The following MTX2 variants were observed in gnomAD, a reference collection of about 807,000 sequenced individuals.
The protein encoded by MTX2 is metaxin-2.
MTX2 carries 35 observed loss-of-function variants against 42.3 expected under a neutral mutation model. That is an observed-to-expected ratio of 0.83 (90% CI 0.63 to 1.10). The LOEUF (loss-of-function observed/expected upper bound fraction) is 1.10. Ranked by LOEUF, MTX2 falls within the 50% of genes least tolerant of loss-of-function variation. The pLI is 0.00. For synonymous variants in MTX2, 119 were observed against 100.9 expected, an observed-to-expected ratio of 1.18 and a Z score of -1.08; for missense variants, 307 against 304.1, an observed-to-expected ratio of 1.01 and a Z score of -0.07.
chr2:176,285,518 C>T (rs1005523407), intron 1 of MTX2, among the ~76,000 whole-genome samples: 2 of 150,320 alleles, frequency 1.3e-5, no homozygotes, highest in African/African-American at 2.4e-5. Flanking sequence ...TGCCCATTTA[C>T]AGCCACTCCT....
At chr2:176,269,692 C>A in intron 1 of MTX2, 23 bp downstream of exon 1, 1 of 1,586,604 alleles carries the variant, frequency 6.3e-7, no homozygotes, top group East Asian at 2.3e-5. Context: ...GCCGCAGACC[C>A]AGAAGGTGGC....
intron 1 of MTX2, among the ~76,000 whole-genome samples, chr2:176,283,702 A>G (rs1054592099): frequency 3.3e-5 from 5 of 152,160 alleles, no homozygotes; most frequent in African/African-American, 9.7e-5. Context: ...CAGTGATTGT[A>G]TTTGGTTTAG....
intron 4 of MTX2, among the ~76,000 whole-genome samples, chr2:176,325,602 A>T (rs1470719458): frequency 1.3e-5 from 2 of 151,744 alleles, no homozygotes; most frequent in African/African-American, 4.8e-5. Flanking sequence ...GCTTTGCTCT[A>T]AAAATATTAT....
chr2:176,270,973 G>A (rs1397420706), intron 1 of MTX2, among the ~76,000 whole-genome samples: 1 of 151,774 alleles, frequency 6.6e-6, no homozygotes, highest in African/African-American at 2.4e-5. Flanking sequence ...TTGCTACTAT[G>A]TTGAAAAAAA....
intron 3 of MTX2, among the ~76,000 whole-genome samples, chr2:176,308,686 T>A (rs1684217151): frequency 6.6e-6 from 1 of 152,178 alleles, no homozygotes; most frequent in Non-Finnish European, 1.5e-5. Context: ...CATAGAGGTG[T>A]TTATAGTATT....
At chr2:176,323,348 C>A in intron 3 of MTX2, 44 bp from the exon 4 acceptor site, 1 of 1,475,960 alleles carries the variant, frequency 6.8e-7, no homozygotes, top group Non-Finnish European at 9.4e-7. Flanking sequence ...TTCAAATATG[C>A]ATATGCTTTT....
intron 3 of MTX2, among the ~76,000 whole-genome samples, chr2:176,318,418 T>G (rs1328717105): frequency 6.6e-6 from 1 of 152,198 alleles, no homozygotes; most frequent in Non-Finnish European, 1.5e-5. Flanking sequence ...TTATGTTACG[T>G]GTACATATAC....
chr2:176,288,539 CT>C (rs1320537759), intron 1 of MTX2, among the ~76,000 whole-genome samples: 1 of 151,174 alleles, frequency 6.6e-6, no homozygotes, highest in Non-Finnish European at 1.5e-5. Context: ...TTTCTTGCTC[CT>C]TTTATATAAC....
At chr2:176,330,755 T>C (rs1045426893) in intron 9 of MTX2, 95 bp downstream of exon 9, 4 of 830,376 alleles carry the variant, frequency 4.8e-6, no homozygotes, top group African/African-American at 1.7e-5. Flanking sequence ...AGAAAATATT[T>C]AGCTATTTTT....
intron 2 of MTX2, among the ~76,000 whole-genome samples, chr2:176,297,562 A>T (rs1683918641): frequency 6.6e-6 from 1 of 152,166 alleles, no homozygotes; most frequent in African/African-American, 2.4e-5. Flanking sequence ...ACTTAATTTT[A>T]ATGAAGAGGA....
At position 176,309,514 on chromosome 2, in the gene MTX2, T is replaced by C. The variant is rs1212339882; in HGVS notation, c.135+11619T>C. Among the ~76,000 whole-genome samples, 3 of 152,118 alleles carry C rather than the reference T, an allele frequency of 2.0e-5. No homozygotes were observed. In the East Asian group the frequency reaches 5.8e-4, roughly 29 times the overall value. Reference sequence around the variant, plus strand: ...GGGTGTTAAAGTATCCCATTATTATTGTGTGGGAGTCTAAGTCTCTTTGTA... The same window carrying C: ...GGGTGTTAAAGTATCCCATTATTATCGTGTGGGAGTCTAAGTCTCTTTGTA... On this transcript the variant is annotated intron_variant, in intron 3 of 9. Transcript: ENST00000249442.
chr2:176,320,776 C>T (rs1684567298), intron 3 of MTX2, among the ~76,000 whole-genome samples: 1 of 151,454 alleles, frequency 6.6e-6, no homozygotes, highest in Non-Finnish European at 1.5e-5. Context: ...CTTACTGCAG[C>T]CTTGACCTCC....
At chr2:176,323,588 C>A in intron 4 of MTX2, 124 bp downstream of exon 4, 1 of 877,186 alleles carries the variant, frequency 1.1e-6, no homozygotes. Flanking sequence ...AGAATCTTTC[C>A]ATGGTTTTAG....
At chr2:176,276,297 G>A (rs554646050) in intron 1 of MTX2, among the ~76,000 whole-genome samples, 2 of 152,258 alleles carry the variant, frequency 1.3e-5, no homozygotes, top group East Asian at 3.9e-4. Flanking sequence ...TTATAAAATT[G>A]AATCTTGGTA....
chr2:176,318,786 C>G (rs931527439), intron 3 of MTX2, among the ~76,000 whole-genome samples: 4 of 152,262 alleles, frequency 2.6e-5, no homozygotes, highest in Non-Finnish European at 5.9e-5. Context: ...TGTTATATAT[C>G]CATGCTGTCT....
chr2:176,318,399 T>C (rs1305392271), intron 3 of MTX2, among the ~76,000 whole-genome samples: 1 of 152,190 alleles, frequency 6.6e-6, no homozygotes, highest in Non-Finnish European at 1.5e-5. Flanking sequence ...AGAAATCAGG[T>C]ACAGGCAATT....
intron 1 of MTX2, among the ~76,000 whole-genome samples, chr2:176,284,327 T>C (rs1430093663): frequency 6.6e-6 from 1 of 152,182 alleles, no homozygotes; most frequent in Non-Finnish European, 1.5e-5. Context: ...TAAGGAAGAA[T>C]GGAAAGTTTT....
chr2:176,278,747 A>G (rs983577081), intron 1 of MTX2, among the ~76,000 whole-genome samples: 2 of 152,190 alleles, frequency 1.3e-5, no homozygotes, highest in African/African-American at 4.8e-5. Flanking sequence ...AGATATTGAA[A>G]ATTCAGGCTT....
chr2:176,303,482 C>G (rs1260930442), intron 3 of MTX2, among the ~76,000 whole-genome samples: 2 of 152,026 alleles, frequency 1.3e-5, no homozygotes, highest in African/African-American at 4.8e-5. Context: ...TTTGATATCA[C>G]TGAGTTTAAA....
Sources: gnomAD v4.1 joint callset for allele counts (sites outside exome capture counted in the v4.1 genomes callset) on GRCh38, gnomAD v4.1.1 for gene constraint, MANE v1.5 for transcripts, NCBI Gene and HGNC (gene_info 2026-07-23, HGNC 2026-07-21) for gene names.